FNIP1: variants seen among roughly 807,000 people sequenced by gnomAD.
The protein encoded by FNIP1 is folliculin-interacting protein 1.
FNIP1 carries 40 observed loss-of-function variants against 124.5 expected under a neutral mutation model. The observed-to-expected ratio is 0.32, with a 90% CI of 0.25 to 0.42. FNIP1 has a LOEUF of 0.42. Ranked by LOEUF, FNIP1 falls within the 10% of genes least tolerant of loss-of-function variation. FNIP1 has a pLI of 1.00. For synonymous variants in FNIP1, 472 were observed against 470.6 expected (o/e 1.00, Z -0.04); for missense variants, 1,176 against 1,403.7 (o/e 0.84, Z 2.59).
intron 1 of FNIP1, among the ~76,000 whole-genome samples, chr5:131,756,010 C>CAA (rs565574119): frequency 8.9e-6 from 1 of 112,132 alleles, no homozygotes; most frequent in East Asian, 2.4e-4. Context: ...GAGACTGTGT[C>CAA]AAAAAAAAAA....
At chr5:131,791,164 T>C (rs1025625322) in intron 1 of FNIP1, among the ~76,000 whole-genome samples, 4 of 152,234 alleles carry the variant, frequency 2.6e-5, no homozygotes, top group Non-Finnish European at 4.4e-5. Flanking sequence ...AATCACCTTT[T>C]ATGCTCCCTT....
intron 3 of FNIP1, among the ~76,000 whole-genome samples, chr5:131,724,270 T>C (rs1769779145): frequency 6.6e-6 from 1 of 152,222 alleles, no homozygotes; most frequent in Non-Finnish European, 1.5e-5. Flanking sequence ...ATCTAGATCC[T>C]GGAGGAATTG....
At chr5:131,756,186 T>C (rs949869900) in intron 1 of FNIP1, among the ~76,000 whole-genome samples, 15 of 152,078 alleles carry the variant, frequency 9.9e-5, no homozygotes, top group Admixed American at 5.2e-4. Context: ...AATAACCATA[T>C]AGCAATTGAT....
intron 15 of FNIP1, among the ~76,000 whole-genome samples, chr5:131,667,294 AG>A (rs1367441390): frequency 1.3e-5 from 2 of 152,230 alleles, no homozygotes; most frequent in Non-Finnish European, 2.9e-5. Flanking sequence ...TTCAGAACAC[AG>A]TAGGTCAATA....
At chr5:131,736,894 A>T (rs1281458640) in intron 2 of FNIP1, among the ~76,000 whole-genome samples, 1 of 152,206 alleles carries the variant, frequency 6.6e-6, no homozygotes, top group African/African-American at 2.4e-5. Flanking sequence ...TGGGATATCA[A>T]GTAGGCAGTT....
intron 3 of FNIP1, among the ~76,000 whole-genome samples, chr5:131,720,178 A>T (rs1769611070): frequency 1.3e-5 from 2 of 152,212 alleles, no homozygotes; most frequent in Admixed American, 1.3e-4. Context: ...CAGAACAAAC[A>T]GCCCAGAAAT....
At position 131,711,052 on chromosome 5, in the gene FNIP1, G is replaced by A. The variant is rs115354031; in HGVS notation, c.623-391C>T. Among the ~76,000 whole-genome samples the A allele has an allele frequency of 8.9e-3, 1,351 of 152,240 alleles. 24 individuals are homozygous for A. Among genetic ancestry groups the A allele is most frequent in the African/African-American group, 0.031 (1,283 of 41,538 alleles). On this transcript the variant is annotated intron_variant, in intron 6 of 17. Coordinates refer to ENST00000510461, the MANE Select transcript of FNIP1 (RefSeq NM_133372.3). ...CAAATAAATTCATTTTTTTAAAGTT[G>A]TTTGAAGATTATAGTATGTGCCTAC...
intron 15 of FNIP1, among the ~76,000 whole-genome samples, chr5:131,653,524 A>G (rs1263125609): frequency 2.6e-5 from 4 of 151,826 alleles, no homozygotes; most frequent in South Asian, 4.2e-4. Context: ...GGGCAACAAG[A>G]GCGAAATTCC....
chr5:131,660,524 G>C (rs1015490001), intron 15 of FNIP1, among the ~76,000 whole-genome samples: 2 of 151,998 alleles, frequency 1.3e-5, no homozygotes, highest in African/African-American at 4.8e-5. Context: ...TGTTATTTCT[G>C]CCCCAACAAA....
At chr5:131,662,321 T>TTTAATAGAAA (rs1239958749) in intron 15 of FNIP1, among the ~76,000 whole-genome samples, 4 of 151,820 alleles carry the variant, frequency 2.6e-5, no homozygotes, top group Non-Finnish European at 5.9e-5. Context: ...AAAAAAAAAC[T>TTTAATAGAAA]GGAAAATTAT....
Position 131,671,525 on chromosome 5 carries a change from CTCTTCTGCCCAA to C in FNIP1, c.2907_2918del (p.Asp969_Glu972del). 1 of 1,610,116 alleles carries C rather than the reference CTCTTCTGCCCAA, an allele frequency of 6.2e-7. No homozygotes were observed. The highest frequency in any genetic ancestry group is 8.5e-7 in the Non-Finnish European group (1 of 1,179,440). On this transcript the variant is annotated inframe_deletion, in exon 14 of 18. Coordinates refer to ENST00000510461, the MANE Select transcript of FNIP1 (RefSeq NM_133372.3). ...CTTACCCAGGAAAAGGTATCTCATC[CTCTTCTGCCCAA>C]TCTTCTTGCTCTCCTCCATAATAAC...
chr5:131,759,527 A>G (rs1771156247), intron 1 of FNIP1, among the ~76,000 whole-genome samples: 1 of 152,230 alleles, frequency 6.6e-6, no homozygotes, highest in Admixed American at 6.5e-5. Context: ...AGATAGAGAC[A>G]AATCAAAACC....
rs1481662972 is a variant in FNIP1 at position 131,728,066 on chromosome 5, T to G, written c.354+2838A>C. Among the ~76,000 whole-genome samples the G allele has an allele frequency of 7.2e-5, 11 of 152,326 alleles. No individual in the cohort carries two copies. The East Asian group carries it at 2.1e-3, about 29-fold the overall frequency. On this transcript the variant is annotated intron_variant, in intron 3 of 17. Transcript: ENST00000510461. ...GATCCACTGTTAGTCTGATGGACTT[T>G]CCTTTGTGTATAACCCAATGTTTCT...
At chr5:131,692,224 A>G (rs1223949052) in intron 11 of FNIP1, among the ~76,000 whole-genome samples, 1 of 152,222 alleles carries the variant, frequency 6.6e-6, no homozygotes, top group Non-Finnish European at 1.5e-5. Context: ...ATGTAAATAT[A>G]CAAAAGTCAA....
intron 1 of FNIP1, among the ~76,000 whole-genome samples, chr5:131,768,470 T>G (rs1015720662): frequency 6.6e-6 from 1 of 152,006 alleles, no homozygotes; most frequent in Non-Finnish European, 1.5e-5. Flanking sequence ...ACACAGTTTT[T>G]TTTTTTTTTT....
chr5:131,676,034 T>C (rs961237815), intron 13 of FNIP1, among the ~76,000 whole-genome samples: 1 of 150,328 alleles, frequency 6.7e-6, no homozygotes, highest in African/African-American at 2.4e-5. Flanking sequence ...AATTTTTTTT[T>C]TTTTTGAGAC....
chr5:131,789,321 C>A (rs901383680), intron 1 of FNIP1, among the ~76,000 whole-genome samples: 15 of 152,012 alleles, frequency 9.9e-5, no homozygotes, highest in African/African-American at 3.6e-4. Flanking sequence ...AATAAAAATT[C>A]TTGTGGGTAT....
intron 15 of FNIP1, among the ~76,000 whole-genome samples, chr5:131,658,484 A>G (rs1018366236): frequency 3.3e-5 from 5 of 152,024 alleles, no homozygotes; most frequent in African/African-American, 1.2e-4. Context: ...AAGTCAGTGT[A>G]CAGGTAAGCC....
Position 131,644,648 on chromosome 5 carries a change from C to A in FNIP1, c.*37G>T. ...TTGTGTCTGCTTCCTTGGTTTCTAC[C>A]TATTTTCCCACCAATTTCTAACAAT... is the stretch of plus-strand genomic sequence containing the variant. On this transcript the variant is annotated 3_prime_UTR_variant, in exon 18 of 18. Coordinates refer to ENST00000510461, the MANE Select transcript of FNIP1 (RefSeq NM_133372.3). 6.4e-7 allele frequency: 1 copy of A among 1,571,694 alleles called. No individual in the cohort carries two copies. The highest frequency in any genetic ancestry group is 8.8e-7 in the Non-Finnish European group (1 of 1,142,538).
Sources: gnomAD v4.1 joint callset for allele counts (sites outside exome capture counted in the v4.1 genomes callset) on GRCh38, gnomAD v4.1.1 for gene constraint, MANE v1.5 for transcripts, NCBI Gene and HGNC (gene_info 2026-07-23, HGNC 2026-07-21) for gene names.